SPAG17: variants seen among roughly 807,000 people sequenced by gnomAD.
SPAG17 encodes the protein sperm associated antigen 17, also known as sperm-associated antigen 17.
Under a neutral mutation model 273.6 loss-of-function variants are expected in SPAG17, and 169 were observed. That is an observed-to-expected ratio of 0.62 (90% CI 0.55 to 0.70). The LOEUF is 0.70. Among genes scored for constraint, SPAG17 ranks in the 30% least tolerant of loss-of-function variants. The pLI is 0.00. For missense variants in SPAG17, 2,557 were observed against 2,627.8 expected (o/e 0.97, Z 0.59); for synonymous variants, 825 against 873.2 (o/e 0.94, Z 0.97).
Position 117,972,153 on chromosome 1 carries a change from G to T in SPAG17, c.6142-106C>A. 6.3e-6 allele frequency: 6 copies of T among 950,882 alleles called. No individual in the cohort carries two copies. In the South Asian group the frequency reaches 1.1e-4, roughly 17 times the overall value. The allele number at this position is 950,882 out of a possible 1,614,324, so 58.9% of individuals were successfully genotyped here. On this transcript the variant is annotated intron_variant, in intron 44 of 48. Transcript: ENST00000336338. ...GGAAAATAACTGTTGGGTTGCTGGA[G>T]GAAATGAATGTTTACAGTCTCATGT...
rs1226512647 is a variant in SPAG17 at position 117,992,635 on chromosome 1, C to T, written c.5192G>A (p.Gly1731Glu). 1 of 1,589,914 alleles carries T rather than the reference C, an allele frequency of 6.3e-7. No homozygotes were observed. The highest frequency in any genetic ancestry group is 2.3e-5 in the East Asian group (1 of 44,282). ...TFPSVEKKTP[G>E]PPFGTQIWKG... is the part of the protein sequence containing the mutation. ...CCAAATCTGAGTACCAAACGGAGGT[C>T]CTGGAGTTTTTTTCTGTTAACAAAA... Residue 1731 changes from glycine (G) to glutamate (E), a missense_variant, in exon 36 of 49, where the codon GGA becomes GAA. Transcript: ENST00000336338.
intron 3 of SPAG17, among the ~76,000 whole-genome samples, chr1:118,126,560 G>A (rs1042248886): frequency 6.6e-6 from 1 of 151,920 alleles, no homozygotes; most frequent in Non-Finnish European, 1.5e-5. Context: ...AAGTTTTTGA[G>A]TTCCTTATAT....
At chr1:118,085,506 G>A (rs1433810706) in intron 13 of SPAG17, among the ~76,000 whole-genome samples, 3 of 139,520 alleles carry the variant, frequency 2.2e-5, no homozygotes, top group East Asian at 5.8e-4. Flanking sequence ...AATTATATGC[G>A]TGCATGCGTG....
At position 117,953,869 on chromosome 1, in the gene SPAG17, G is replaced by A. The variant is rs1241517359; in HGVS notation, c.*181C>T. Reference sequence around the variant, plus strand: ...CCAAAAATGTCTTTAAATGCTTTTTGGCACTCTATTCGCACGTCTTTATTA... The same window carrying A: ...CCAAAAATGTCTTTAAATGCTTTTTAGCACTCTATTCGCACGTCTTTATTA... On this transcript the variant is annotated 3_prime_UTR_variant, in exon 49 of 49. Coordinates refer to ENST00000336338, the MANE Select transcript of SPAG17 (RefSeq NM_206996.4). 2 of 708,416 alleles carry A rather than the reference G, an allele frequency of 2.8e-6. No individual in the cohort carries two copies. Among genetic ancestry groups the A allele is most frequent in the Non-Finnish European group, 4.7e-6 (2 of 425,436 alleles). The allele number at this position is 708,416 out of a possible 1,614,324, so 43.9% of individuals were successfully genotyped here.
intron 34 of SPAG17, 72 bp downstream of exon 34, chr1:117,996,298 T>A: frequency 6.7e-7 from 1 of 1,489,634 alleles, no homozygotes; most frequent in Non-Finnish European, 9.0e-7. Context: ...GACATGAAGA[T>A]AGACTGGATA....
At chr1:118,172,884 A>G (rs1157841251) in intron 1 of SPAG17, among the ~76,000 whole-genome samples, 4 of 152,184 alleles carry the variant, frequency 2.6e-5, no homozygotes, top group Non-Finnish European at 1.5e-5. Flanking sequence ...ATTCAGAGAT[A>G]GGCTTTGTGT....
intron 29 of SPAG17, among the ~76,000 whole-genome samples, chr1:118,014,820 C>T (rs1380308678): frequency 6.6e-6 from 1 of 152,166 alleles, no homozygotes; most frequent in Non-Finnish European, 1.5e-5. Context: ...ATGGAAAGAG[C>T]TCAGTTTTTG....
chr1:118,111,897 G>C (rs1365371595), intron 4 of SPAG17, among the ~76,000 whole-genome samples: 1 of 152,026 alleles, frequency 6.6e-6, no homozygotes, highest in Non-Finnish European at 1.5e-5. Flanking sequence ...GCAAAAGAAA[G>C]AACTAATTTT....
chr1:118,057,071 G>A (rs1651777573), intron 18 of SPAG17, among the ~76,000 whole-genome samples: 1 of 151,730 alleles, frequency 6.6e-6, no homozygotes, highest in Non-Finnish European at 1.5e-5. Context: ...CCGCCTCCCG[G>A]GTTCAAGCAA....
intron 44 of SPAG17, among the ~76,000 whole-genome samples, chr1:117,972,734 C>G (rs891432659): frequency 5.9e-5 from 9 of 151,430 alleles, no homozygotes; most frequent in Non-Finnish European, 1.3e-4. Context: ...ATGTATATTA[C>G]AATAAATTTT....
At chr1:117,973,278 C>A in intron 44 of SPAG17, 147 bp downstream of exon 44, 1 of 921,628 alleles carries the variant, frequency 1.1e-6, no homozygotes, top group Non-Finnish European at 1.6e-6. Context: ...CGGTCAATAG[C>A]AGTACACAGT....
chr1:118,085,538 G>GCACA (rs372317004), intron 13 of SPAG17, among the ~76,000 whole-genome samples: 69 of 149,686 alleles, frequency 4.6e-4, no homozygotes, highest in Non-Finnish European at 6.2e-4. Context: ...GTGCGCGCGC[G>GCACA]CACACACACA....
At chr1:118,075,068 G>T (rs1653965945) in intron 15 of SPAG17, among the ~76,000 whole-genome samples, 1 of 152,210 alleles carries the variant, frequency 6.6e-6, no homozygotes, top group Admixed American at 6.5e-5. Context: ...GGCACTGGCA[G>T]ATAAGTGCAC....
chr1:117,996,205 G>A (rs1657631831), intron 34 of SPAG17, among the ~76,000 whole-genome samples, 165 bp downstream of exon 34: 1 of 151,940 alleles, frequency 6.6e-6, no homozygotes, highest in Non-Finnish European at 1.5e-5. Flanking sequence ...TAAATAAGTT[G>A]ACATGACTTA....
chr1:118,011,869 A>G (rs143991423), intron 30 of SPAG17, among the ~76,000 whole-genome samples: 4 of 152,148 alleles, frequency 2.6e-5, no homozygotes, highest in African/African-American at 9.7e-5. Context: ...TTTTCTCACA[A>G]CTAAAAATAA....
At position 118,089,354 on chromosome 1, in the gene SPAG17, T is replaced by TGTGTGTGTGTGTGTGA. The variant is rs1207965049; in HGVS notation, c.1359+2251_1359+2252insTCACACACACACACAC. ...TGACGTGTGTGTGTGTGTGTGTGTGTGGTGGCAGGTAGGAGGTGAGATGAC... is the reference window on the plus strand; with the variant it reads ...TGACGTGTGTGTGTGTGTGTGTGTGTGTGTGTGTGTGTGTGAGGTGGCAGGTAGGAGGTGAGATGAC... On this transcript the variant is annotated intron_variant, in intron 10 of 48. Coordinates refer to ENST00000336338, the MANE Select transcript of SPAG17 (RefSeq NM_206996.4). Among the ~76,000 whole-genome samples, 161 of 150,744 alleles carry TGTGTGTGTGTGTGTGA rather than the reference T, an allele frequency of 1.1e-3. 1 individual carries two copies. The highest frequency in any genetic ancestry group is 3.8e-3 in the African/African-American group (155 of 41,038).
chr1:118,007,932 T>A (rs202006843), intron 31 of SPAG17, 112 bp downstream of exon 31: 3 of 1,105,792 alleles, frequency 2.7e-6, no homozygotes, highest in African/African-American at 1.6e-5. Flanking sequence ...TATAAGAGAA[T>A]GAAAGCAACA....
chr1:118,129,547 T>C (rs1657937235), intron 3 of SPAG17, among the ~76,000 whole-genome samples: 1 of 152,170 alleles, frequency 6.6e-6, no homozygotes, highest in Non-Finnish European at 1.5e-5. Flanking sequence ...TTCATAATAA[T>C]GTATTTAGCC....
chr1:118,027,657 AT>A (rs1173687908), intron 26 of SPAG17, among the ~76,000 whole-genome samples: 1 of 152,216 alleles, frequency 6.6e-6, no homozygotes, highest in Non-Finnish European at 1.5e-5. Flanking sequence ...ATATATTCAA[AT>A]TCAGTAACAA....
Sources: gnomAD v4.1 joint callset for allele counts (sites outside exome capture counted in the v4.1 genomes callset) on GRCh38, gnomAD v4.1.1 for gene constraint, MANE v1.5 for transcripts, NCBI Gene and HGNC (gene_info 2026-07-23, HGNC 2026-07-21) for gene names.